Variants in PITPNM3 observed in about 807,000 individuals in gnomAD.
The protein encoded by PITPNM3 is membrane-associated phosphatidylinositol transfer protein 3.
In PITPNM3, 26 loss-of-function variants were observed where a neutral mutation model predicts 102.0. That is an observed-to-expected ratio of 0.25 (90% confidence interval 0.19 to 0.35). The LOEUF is 0.35. Ranked by LOEUF, PITPNM3 falls within the 10% of genes least tolerant of loss-of-function variation. PITPNM3 has a pLI of 1.00. For synonymous variants in PITPNM3, 578 were observed against 558.6 expected (o/e 1.03, Z -0.49); for missense variants, 1,083 against 1,346.1 (o/e 0.80, Z 3.06).
intron 3 of PITPNM3, among the ~76,000 whole-genome samples, chr17:6,508,849 T>A (rs1222192811): frequency 1.3e-5 from 2 of 152,112 alleles, no homozygotes; most frequent in East Asian, 3.9e-4. Flanking sequence ...CAGCTCCATC[T>A]TCCCTGGAAA....
intron 2 of PITPNM3, among the ~76,000 whole-genome samples, chr17:6,529,233 T>C (rs768450883): frequency 6.6e-6 from 1 of 152,130 alleles, no homozygotes; most frequent in Non-Finnish European, 1.5e-5. Flanking sequence ...TACAATGCCA[T>C]AAGGAAAGCC....
chr17:6,461,894 G>A (rs953190040), intron 17 of PITPNM3, among the ~76,000 whole-genome samples: 9 of 151,148 alleles, frequency 6.0e-5, no homozygotes, highest in East Asian at 1.9e-4. Flanking sequence ...AAAGCCTTTC[G>A]CTTTCACCAG....
Position 6,478,061 on chromosome 17 carries a change from C to T in PITPNM3, c.814G>A (p.Ala272Thr). 1 of 1,613,712 alleles carries T rather than the reference C, an allele frequency of 6.2e-7. No individual in the cohort carries two copies. The highest frequency in any genetic ancestry group is 8.5e-7 in the Non-Finnish European group (1 of 1,180,036). Residue 272 changes from alanine to threonine, a missense_variant, in exon 8 of 20, where the codon GCC (alanine) becomes ACC (threonine). Physicochemically the swap from Ala to Thr is moderately conservative, Grantham distance 58. Transcript: ENST00000262483. This position sits in a 1 kb window ranked among gnomAD's most constrained non-coding sequence, Gnocchi z 4.4. The part of the protein sequence containing the change: ...LIGDCVGGLL[A>T]FDAICYSAGP... The stretch of plus-strand genomic sequence containing the variant: ...GCACTGTAGCAGATGGCATCGAAGG[C>T]CAGGAGGCCCCCCACACAGTCCCCG...
intron 2 of PITPNM3, among the ~76,000 whole-genome samples, chr17:6,536,052 A>G (rs976112628): frequency 3.4e-4 from 52 of 151,028 alleles, no homozygotes. Flanking sequence ...CTACAAAGCG[A>G]GACTCCATCT....
intron 3 of PITPNM3, among the ~76,000 whole-genome samples, chr17:6,515,667 T>G (rs925617): frequency 0.037 from 5,618 of 152,142 alleles, 338 homozygotes; most frequent in African/African-American, 0.13. Context: ...TAATCTCACC[T>G]ATGATCTTTG....
intron 4 of PITPNM3, among the ~76,000 whole-genome samples, 172 bp downstream of exon 4, chr17:6,503,355 G>A (rs950306468): frequency 3.3e-5 from 5 of 152,166 alleles, no homozygotes; most frequent in Non-Finnish European, 7.3e-5. Flanking sequence ...GGGTTAGAGA[G>A]GGCCCAAACT....
chr17:6,483,167 A>G (rs1387722514), intron 6 of PITPNM3, among the ~76,000 whole-genome samples: 4 of 151,840 alleles, frequency 2.6e-5, no homozygotes, highest in African/African-American at 9.7e-5. Flanking sequence ...GATGGTCTTG[A>G]TCTTCTGACC....
intron 1 of PITPNM3, among the ~76,000 whole-genome samples, chr17:6,552,197 G>T (rs1290823591): frequency 6.6e-6 from 1 of 152,188 alleles, no homozygotes; most frequent in Non-Finnish European, 1.5e-5. Flanking sequence ...CAGCCTGGGA[G>T]GCCCAACCCT....
intron 3 of PITPNM3, among the ~76,000 whole-genome samples, chr17:6,521,945 C>T (rs1908549406): frequency 6.6e-6 from 1 of 152,172 alleles, no homozygotes; most frequent in Non-Finnish European, 1.5e-5. Flanking sequence ...CAAAAAGAAC[C>T]TTCTTTGCGG....
chr17:6,470,656 AGAG>A lies in PITPNM3; in HGVS notation c.1625-251_1625-249del, dbSNP rs1412161781. ...GCCCAGGAAGGAGGGCCAGACCCAC[AGAG>A]ACGTCCACAGTCTCACCCAGGGCCG... On this transcript the variant is annotated intron_variant, in intron 12 of 19. Coordinates refer to ENST00000262483, the MANE Select transcript of PITPNM3 (RefSeq NM_031220.4). The surrounding 1 kb of genome is among the most constrained non-coding windows in gnomAD (Gnocchi z 4.8). Among the ~76,000 whole-genome samples the A allele has an allele frequency of 6.6e-6, 1 of 152,190 alleles. No individual in the cohort carries two copies. Among genetic ancestry groups the A allele is most frequent in the African/African-American group, 2.4e-5 (1 of 41,454 alleles).
At position 6,556,421 on chromosome 17, in the gene PITPNM3, G is replaced by C; in HGVS notation, c.-15C>G. On this transcript the variant is annotated 5_prime_UTR_variant, in exon 1 of 20. Coordinates refer to ENST00000262483, the MANE Select transcript of PITPNM3 (RefSeq NM_031220.4). The surrounding 1 kb of genome is among the most constrained non-coding windows in gnomAD (Gnocchi z 5.2). ...GCCTTGGCCATGTCCCGGGCGGCGG[G>C]CTCCGGCGGCGCTACGCGCGCTCCT... is the stretch of plus-strand genomic sequence containing the variant. The C allele has an allele frequency of 7.8e-7, 1 of 1,279,188 alleles. No individual in the cohort carries two copies. 79.2% of individuals were successfully genotyped at this position (1,279,188 alleles called of 1,614,324 possible).
chr17:6,531,594 T>C (rs1418000969), intron 2 of PITPNM3, among the ~76,000 whole-genome samples: 1 of 152,264 alleles, frequency 6.6e-6, no homozygotes, highest in Non-Finnish European at 1.5e-5. Context: ...CTCTGAGTTC[T>C]GCATCTCTGG....
chr17:6,489,883 A>G (rs989068177), intron 4 of PITPNM3, among the ~76,000 whole-genome samples: 1 of 152,144 alleles, frequency 6.6e-6, no homozygotes, highest in Non-Finnish European at 1.5e-5. Context: ...GCGCACCTGT[A>G]ATCCCAGCTA....
intron 4 of PITPNM3, among the ~76,000 whole-genome samples, chr17:6,502,835 G>A (rs367815291): frequency 1.3e-5 from 2 of 152,094 alleles, no homozygotes; most frequent in Admixed American, 1.3e-4. Flanking sequence ...CAAGGAAGAT[G>A]TCCTGAGGTC....
chr17:6,552,762 CTTTTTT>C lies in PITPNM3; in HGVS notation c.22+3617_22+3622del, dbSNP rs34225911. Among the ~76,000 whole-genome samples, 19 of 89,016 alleles carry C rather than the reference CTTTTTT, an allele frequency of 2.1e-4. No individual in the cohort carries two copies. In the East Asian group the frequency reaches 5.7e-3, roughly 27 times the overall value. 58.4% of individuals were successfully genotyped at this position (89,016 alleles called of 152,430 possible). ...CCGGCCCCTGGCCACCTTTCTTTTT[CTTTTTT>C]TTTTTTTTTTTTTTTTGAGACGGAG... On this transcript the variant is annotated intron_variant, in intron 1 of 19. Coordinates refer to ENST00000262483, the MANE Select transcript of PITPNM3 (RefSeq NM_031220.4).
intron 1 of PITPNM3, among the ~76,000 whole-genome samples, chr17:6,541,189 T>C (rs972136294): frequency 1.3e-5 from 2 of 151,970 alleles, no homozygotes; most frequent in African/African-American, 4.8e-5. Flanking sequence ...AGAAAAGCAA[T>C]GGGCAGTGTC....
intron 2 of PITPNM3, among the ~76,000 whole-genome samples, chr17:6,528,571 A>C (rs1293163193): frequency 6.6e-6 from 1 of 151,868 alleles, no homozygotes; most frequent in Admixed American, 6.6e-5. Context: ...GAGTATGTGC[A>C]TATGTGCATG....
intron 2 of PITPNM3, among the ~76,000 whole-genome samples, chr17:6,536,560 GCTCCCCAC>G (rs1909444547): frequency 6.6e-6 from 1 of 152,110 alleles, no homozygotes; most frequent in African/African-American, 2.4e-5. Flanking sequence ...ATGGGGGACA[GCTCCCCAC>G]CTCCCAGCCA....
chr17:6,512,130 G>A (rs1428520419), intron 3 of PITPNM3, among the ~76,000 whole-genome samples: 1 of 152,218 alleles, frequency 6.6e-6, no homozygotes, highest in Non-Finnish European at 1.5e-5. Context: ...GTCCCAAAGT[G>A]TGAGAAAGGA....
Sources: gnomAD v4.1 joint callset for allele counts (sites outside exome capture counted in the v4.1 genomes callset) on GRCh38, gnomAD v4.1.1 for gene constraint, Gnocchi (gnomAD v3.1) non-coding constraint, MANE v1.5 for transcripts, NCBI Gene and HGNC (gene_info 2026-07-23, HGNC 2026-07-21) for gene names.